PSD3: variants seen among roughly 807,000 people sequenced by gnomAD.
PSD3 encodes the protein PH and SEC7 domain-containing protein 3.
In PSD3, 49 loss-of-function variants were observed where a neutral mutation model predicts 105.5. That is an observed-to-expected ratio of 0.46 (90% CI 0.37 to 0.59). The LOEUF (loss-of-function observed/expected upper bound fraction) is 0.59. PSD3 is among the 20% of genes least tolerant of loss of function. The pLI, the probability that PSD3 is intolerant of heterozygous loss-of-function variation, is 0.00. For missense variants in PSD3, 1,561 were observed against 1,263.8 expected (o/e 1.24, Z -3.57); for synonymous variants, 557 against 457.8 (o/e 1.22, Z -2.77).
intron 4 of PSD3, among the ~76,000 whole-genome samples, chr8:18,810,920 ACAC>A (rs1223633222): frequency 2.0e-5 from 3 of 152,238 alleles, no homozygotes; most frequent in South Asian, 4.1e-4. Context: ...AGAAGTAAGT[ACAC>A]CATCAGCAAA....
At chr8:18,672,435 G>C (rs970751479) in intron 9 of PSD3, among the ~76,000 whole-genome samples, 1 of 152,100 alleles carries the variant, frequency 6.6e-6, no homozygotes, top group South Asian at 2.1e-4. Context: ...ATTAGACAAA[G>C]CAATGAAGAC....
At chr8:18,995,246 G>T (rs1196052026) in intron 1 of PSD3, among the ~76,000 whole-genome samples, 1 of 152,116 alleles carries the variant, frequency 6.6e-6, no homozygotes, top group African/African-American at 2.4e-5. Context: ...CTTGGGATGT[G>T]AATGAGACCC....
chr8:19,060,514 G>C (rs1435157142), intron 1 of PSD3, among the ~76,000 whole-genome samples: 14 of 152,102 alleles, frequency 9.2e-5, no homozygotes, highest in Admixed American at 7.2e-4. Context: ...CACACCTGTA[G>C]TCCCAGCTAC....
At chr8:18,947,393 G>A (rs982635679) in intron 1 of PSD3, among the ~76,000 whole-genome samples, 1 of 152,184 alleles carries the variant, frequency 6.6e-6, no homozygotes, top group African/African-American at 2.4e-5. Flanking sequence ...ACCAATAACT[G>A]AATTCATGGC....
chr8:18,767,854 A>T (rs959311383), intron 8 of PSD3, among the ~76,000 whole-genome samples: 6 of 152,154 alleles, frequency 3.9e-5, no homozygotes, highest in African/African-American at 1.4e-4. Context: ...AGGTCACGCT[A>T]TTCTTTCGTA....
At chr8:18,748,171 C>T (rs1288590550) in intron 9 of PSD3, among the ~76,000 whole-genome samples, 1 of 152,106 alleles carries the variant, frequency 6.6e-6, no homozygotes, top group African/African-American at 2.4e-5. Context: ...CTTATGTATA[C>T]ACACTTTAAA....
intron 6 of PSD3, chr8:18,802,463 C>A: frequency 4.0e-6 from 1 of 251,236 alleles, no homozygotes; most frequent in Non-Finnish European, 8.5e-6. Context: ...TGCCTTCTTC[C>A]TTATTATAGG....
At chr8:18,969,169 G>C (rs1824476551) in intron 1 of PSD3, among the ~76,000 whole-genome samples, 1 of 152,084 alleles carries the variant, frequency 6.6e-6, no homozygotes, top group Non-Finnish European at 1.5e-5. Context: ...ATGCCTTCCA[G>C]AATGACTTAC....
intron 11 of PSD3, among the ~76,000 whole-genome samples, chr8:18,600,876 G>A (rs1048499134): frequency 1.3e-5 from 2 of 152,164 alleles, no homozygotes; most frequent in Non-Finnish European, 1.5e-5. Flanking sequence ...AAATCACGAA[G>A]TAGTCTCAGA....
At chr8:18,649,889 T>C (rs1808345553) in intron 10 of PSD3, among the ~76,000 whole-genome samples, 1 of 152,168 alleles carries the variant, frequency 6.6e-6, no homozygotes, top group Non-Finnish European at 1.5e-5. Context: ...CTTTGCCTCC[T>C]GTCATGACTG....
At chr8:18,848,845 G>A (rs1194217086) in intron 4 of PSD3, among the ~76,000 whole-genome samples, 1 of 152,174 alleles carries the variant, frequency 6.6e-6, no homozygotes, top group Non-Finnish European at 1.5e-5. Flanking sequence ...CAAAAATGTG[G>A]CAACTGCCAT....
Position 18,627,998 on chromosome 8 carries a change from C to A in PSD3, c.2410+4615G>T, listed in dbSNP as rs181273306. On this transcript the variant is annotated intron_variant, in intron 11 of 15. Transcript: ENST00000327040. ...AGAAACGGAAGATATAAAATAGACCCAAGTTGAACTTCAAAGATAAACATG... is the reference window on the plus strand; with the variant it reads ...AGAAACGGAAGATATAAAATAGACCAAAGTTGAACTTCAAAGATAAACATG... Among the ~76,000 whole-genome samples the A allele has an allele frequency of 5.6e-4, 85 of 151,702 alleles. 1 individual carries two copies. The highest frequency in any genetic ancestry group is 9.0e-4 in the Non-Finnish European group (61 of 67,832).
At chr8:18,543,459 T>C (rs769637776) in intron 15 of PSD3, among the ~76,000 whole-genome samples, 11 of 151,366 alleles carry the variant, frequency 7.3e-5, no homozygotes, top group African/African-American at 2.4e-4. Flanking sequence ...CTAACAAAAA[T>C]ACAAAAAAAT....
intron 10 of PSD3, among the ~76,000 whole-genome samples, chr8:18,652,493 G>GTTTTTTTTTTTTTTTTTTTTTTTTTTTTT (rs67555804): frequency 1.1e-5 from 1 of 92,596 alleles, no homozygotes; most frequent in Non-Finnish European, 2.0e-5. Flanking sequence ...AAAAAGCTTA[G>GTTTTTTTTTTTTTTTTTTTTTTTTTTTTT]TTTTTTTTTT....
rs1324257417 is a variant in PSD3 at position 19,074,611 on chromosome 8, A to ATATTT, written c.324+9594_324+9595insAAATA. 1.9e-3 allele frequency among the ~76,000 whole-genome samples: 45 copies of ATATTT among 24,184 alleles called. 1 individual carries two copies. Among genetic ancestry groups the ATATTT allele is most frequent in the African/African-American group, 5.0e-3 (31 of 6,214 alleles). The allele number at this position is 24,184 out of a possible 152,430, so 15.9% of individuals were successfully genotyped here. A position where few individuals can be genotyped will look rare whatever the true frequency, so the allele number is the denominator to read the frequency against. ...TATATACATATATATATATATATAT[A>ATATTT]TTTTTTTTTTTTTTTTTTTTTTTTT... On this transcript the variant is annotated intron_variant, in intron 1 of 1. Transcript: ENST00000521475.
intron 1 of PSD3, among the ~76,000 whole-genome samples, chr8:18,968,103 C>T (rs1191716618): frequency 1.3e-5 from 2 of 152,132 alleles, no homozygotes; most frequent in African/African-American, 4.8e-5. Context: ...AATTTATGTC[C>T]ACATTTCTAT....
intron 10 of PSD3, among the ~76,000 whole-genome samples, chr8:18,653,312 G>C (rs1343543896): frequency 1.3e-5 from 2 of 151,064 alleles, no homozygotes; most frequent in Non-Finnish European, 2.9e-5. Context: ...TCTTGACAAT[G>C]TATAAAAATG....
intron 4 of PSD3, among the ~76,000 whole-genome samples, chr8:18,848,515 C>T (rs1260553977): frequency 6.6e-6 from 1 of 152,108 alleles, no homozygotes; most frequent in Non-Finnish European, 1.5e-5. Flanking sequence ...GGCAGCCAAG[C>T]CAGGCATGCA....
chr8:18,829,694 G>A (rs1447752103), intron 4 of PSD3, among the ~76,000 whole-genome samples: 4 of 152,032 alleles, frequency 2.6e-5, no homozygotes, highest in Admixed American at 6.6e-5. Context: ...GGAAACCCTC[G>A]ACTGACATGA....
Sources: allele counts gnomAD v4.1 joint callset (sites outside exome capture counted in the v4.1 genomes callset), GRCh38; gene constraint gnomAD v4.1.1; transcripts MANE v1.5; gene names NCBI Gene and HGNC (gene_info 2026-07-23, HGNC 2026-07-21).